The following SGCZ variants were observed in gnomAD, a reference collection of about 807,000 sequenced individuals.
SGCZ encodes sarcoglycan zeta.
In SGCZ, 40 loss-of-function variants were observed where a neutral mutation model predicts 41.3. The ratio of observed to expected loss-of-function variants is 0.97; its 90% confidence interval spans 0.75 to 1.26. The LOEUF is 1.26. SGCZ is among the 50% of genes most tolerant of loss of function. The probability of loss-of-function intolerance (pLI) is 0.00; values close to 1 mark genes in which losing one functional copy is unlikely to be tolerated. For synonymous variants in SGCZ, 206 were observed against 137.5 expected (o/e 1.50, Z -3.49); for missense variants, 552 against 369.8 (o/e 1.49, Z -4.04).
chr8:15,174,707 C>T (rs188066345), intron 1 of SGCZ, among the ~76,000 whole-genome samples: 2 of 152,298 alleles, frequency 1.3e-5, no homozygotes, highest in East Asian at 1.9e-4. Context: ...TTCCAACACT[C>T]GGTTCAGACA....
At chr8:14,580,922 C>A (rs1178432370) in intron 1 of SGCZ, among the ~76,000 whole-genome samples, 2 of 152,162 alleles carry the variant, frequency 1.3e-5, no homozygotes, top group Non-Finnish European at 2.9e-5. Context: ...ATTCACAACC[C>A]TTTCTCTCTT....
chr8:14,817,336 C>G (rs954852484), intron 1 of SGCZ, among the ~76,000 whole-genome samples: 1 of 151,944 alleles, frequency 6.6e-6, no homozygotes, highest in South Asian at 2.1e-4. Flanking sequence ...ACTACTGCCA[C>G]AAAATACAAG....
At chr8:14,542,841 G>T (rs1803511816) in intron 2 of SGCZ, among the ~76,000 whole-genome samples, 2 of 151,980 alleles carry the variant, frequency 1.3e-5, no homozygotes, top group South Asian at 4.1e-4. Flanking sequence ...AGATCTCTCT[G>T]CTAAGGGTGC....
At chr8:14,606,296 T>A (rs1805746512) in intron 1 of SGCZ, among the ~76,000 whole-genome samples, 1 of 151,890 alleles carries the variant, frequency 6.6e-6, no homozygotes, top group Non-Finnish European at 1.5e-5. Flanking sequence ...TCATATTCAC[T>A]AATAGCTTTC....
At chr8:14,824,141 A>G (rs1802209409) in intron 1 of SGCZ, among the ~76,000 whole-genome samples, 1 of 152,116 alleles carries the variant, frequency 6.6e-6, no homozygotes, top group Non-Finnish European at 1.5e-5. Context: ...AGAGAAACAG[A>G]CTTACAAATG....
intron 2 of SGCZ, among the ~76,000 whole-genome samples, chr8:14,505,313 T>C (rs961518626): frequency 2.0e-5 from 3 of 152,152 alleles, no homozygotes; most frequent in Non-Finnish European, 2.9e-5. Context: ...ATGATGCAAG[T>C]GTAAGGACAT....
At chr8:14,309,812 G>T (rs1476153214) in intron 3 of SGCZ, 2 of 1,410,948 alleles carry the variant, frequency 1.4e-6, no homozygotes, top group Non-Finnish European at 1.9e-6. Context: ...AGGTATAAGA[G>T]AAGTCTCATT....
intron 1 of SGCZ, among the ~76,000 whole-genome samples, chr8:14,992,174 C>T (rs1802036493): frequency 1.3e-5 from 2 of 151,056 alleles, no homozygotes; most frequent in Non-Finnish European, 2.9e-5. Flanking sequence ...ATCTAATCTA[C>T]TCCCCAAACT....
chr8:14,418,663 A>G (rs1014390270), intron 2 of SGCZ, among the ~76,000 whole-genome samples: 2 of 151,978 alleles, frequency 1.3e-5, no homozygotes, highest in African/African-American at 4.8e-5. Context: ...GAAACTAAAT[A>G]TTTAGATACT....
At chr8:14,309,081 C>A in intron 3 of SGCZ, 2 of 1,429,474 alleles carry the variant, frequency 1.4e-6, no homozygotes, top group Non-Finnish European at 9.8e-7. Context: ...GAGGAGAAAA[C>A]GGAATCTCAT....
chr8:14,355,414 A>G (rs899852245), intron 2 of SGCZ, among the ~76,000 whole-genome samples: 8 of 152,144 alleles, frequency 5.3e-5, no homozygotes, highest in African/African-American at 1.9e-4. Flanking sequence ...CAAATCTAAC[A>G]GAGACTTTCA....
chr8:14,108,913 G>C (rs1403878619), intron 5 of SGCZ, among the ~76,000 whole-genome samples: 1 of 152,156 alleles, frequency 6.6e-6, no homozygotes, highest in East Asian at 1.9e-4. Context: ...GTGAAATTGA[G>C]GGAGGGCTAA....
At chr8:14,567,066 C>T (rs1227360558) in intron 1 of SGCZ, among the ~76,000 whole-genome samples, 1 of 152,216 alleles carries the variant, frequency 6.6e-6, no homozygotes, top group Non-Finnish European at 1.5e-5. Context: ...TGGGTCTTAG[C>T]TGCCTCCCAG....
At chr8:14,803,252 T>A (rs2466923) in intron 1 of SGCZ, among the ~76,000 whole-genome samples, 1 of 151,876 alleles carries the variant, frequency 6.6e-6, no homozygotes, top group Non-Finnish European at 1.5e-5. Context: ...GAACAGCTCC[T>A]GTCTACAGCT....
At chr8:14,153,500 T>G (rs1803776203) in intron 5 of SGCZ, among the ~76,000 whole-genome samples, 1 of 152,080 alleles carries the variant, frequency 6.6e-6, no homozygotes, top group Non-Finnish European at 1.5e-5. Context: ...TAGAGTAAAG[T>G]GACCATAGGT....
intron 2 of SGCZ, among the ~76,000 whole-genome samples, chr8:14,489,867 C>CTTTTT (rs67472735): frequency 2.9e-5 from 4 of 137,666 alleles, no homozygotes; most frequent in African/African-American, 1.1e-4. Context: ...ATTCTCCTAC[C>CTTTTT]TTTTTTTTTT....
intron 1 of SGCZ, among the ~76,000 whole-genome samples, chr8:14,763,989 G>T (rs1164039766): frequency 6.6e-6 from 1 of 152,160 alleles, no homozygotes; most frequent in African/African-American, 2.4e-5. Flanking sequence ...TCAGATGGGA[G>T]TTTCTAAATG....
intron 2 of SGCZ, among the ~76,000 whole-genome samples, chr8:14,449,374 C>A (rs369927024): frequency 6.6e-6 from 1 of 152,142 alleles, no homozygotes; most frequent in Non-Finnish European, 1.5e-5. Context: ...GGCTGTGGCA[C>A]ATGACTTTTC....
chr8:14,524,414 G>A (rs528722551), intron 2 of SGCZ, among the ~76,000 whole-genome samples: 27 of 151,928 alleles, frequency 1.8e-4, no homozygotes, highest in Non-Finnish European at 3.8e-4. Context: ...AGTGGAGAAG[G>A]TTTGAAGTTC....
Sources: gnomAD v4.1 joint callset for allele counts (sites outside exome capture counted in the v4.1 genomes callset) on GRCh38, gnomAD v4.1.1 for gene constraint, MANE v1.5 for transcripts, NCBI Gene and HGNC (gene_info 2026-07-23, HGNC 2026-07-21) for gene names.